The following PCDHA4 variants were observed in gnomAD, a reference collection of about 807,000 sequenced individuals.
The protein encoded by PCDHA4 is protocadherin alpha 4, also known as protocadherin alpha-4.
A neutral mutation model predicts 61.4 loss-of-function variants in PCDHA4; 49 were observed. The observed-to-expected ratio is 0.80, with a 90% CI of 0.63 to 1.01. PCDHA4 has a LOEUF of 1.01. Among genes scored for constraint, PCDHA4 ranks in the 50% least tolerant of loss-of-function variants. The probability of loss-of-function intolerance (pLI) is 0.00; values close to 1 mark genes in which losing one functional copy is unlikely to be tolerated. For missense variants in PCDHA4, 1,254 were observed against 1,235.8 expected (o/e 1.01, Z -0.22); for synonymous variants, 590 against 550.3 (o/e 1.07, Z -1.01).
intron 1 of PCDHA4, chr5:140,858,267 C>G: frequency 6.3e-7 from 1 of 1,597,232 alleles, no homozygotes; most frequent in Non-Finnish European, 8.6e-7. Context: ...CTGGTGTGCT[C>G]TAGCGCGGTG....
chr5:140,913,518 A>G (rs1375122197), intron 1 of PCDHA4, among the ~76,000 whole-genome samples: 2 of 151,902 alleles, frequency 1.3e-5, no homozygotes, highest in Non-Finnish European at 2.9e-5. Context: ...AATTTTATTT[A>G]TCTTTTCAAA....
At position 140,850,378 on chromosome 5, in the gene PCDHA4, C is replaced by T. The variant is rs1365314674; in HGVS notation, c.2385+40806C>T. On this transcript the variant is annotated intron_variant, in intron 1 of 3. Coordinates refer to ENST00000530339, the MANE Select transcript of PCDHA4 (RefSeq NM_018907.4). ...ATCCCGTTCCGCGTGGGGCTGTACA[C>T]GGGCGAGATCAGCACAACGCGTGCC... 6 of 1,597,842 alleles carry T rather than the reference C, an allele frequency of 3.8e-6. 1 individual carries two copies. Among genetic ancestry groups the T allele is most frequent in the Non-Finnish European group, 5.1e-6 (6 of 1,167,692 alleles).
intron 1 of PCDHA4, among the ~76,000 whole-genome samples, chr5:140,926,200 G>A (rs1050721250): frequency 6.6e-6 from 1 of 151,674 alleles, no homozygotes; most frequent in Non-Finnish European, 1.5e-5. Context: ...ACTTCTTTCG[G>A]GGGGCTCCTG....
At chr5:140,885,543 G>A (rs1554182177) in intron 1 of PCDHA4, among the ~76,000 whole-genome samples, 2 of 152,092 alleles carry the variant, frequency 1.3e-5, no homozygotes, top group Non-Finnish European at 2.9e-5. Flanking sequence ...CAAAATATTG[G>A]TGTTATTTCT....
At chr5:141,005,440 A>C (rs1174431656) in intron 3 of PCDHA4, among the ~76,000 whole-genome samples, 3 of 152,112 alleles carry the variant, frequency 2.0e-5, no homozygotes, top group African/African-American at 7.2e-5. Flanking sequence ...TGAGAGGCTC[A>C]CGCCTGTAAT....
At chr5:140,914,481 G>A (rs549926889) in intron 1 of PCDHA4, among the ~76,000 whole-genome samples, 3 of 152,120 alleles carry the variant, frequency 2.0e-5, no homozygotes, top group Non-Finnish European at 4.4e-5. Context: ...TAGGTGAAGT[G>A]TTTCTTGTGG....
intron 1 of PCDHA4, among the ~76,000 whole-genome samples, chr5:140,855,385 G>C (rs2043451354): frequency 6.7e-6 from 1 of 149,884 alleles, no homozygotes; most frequent in Non-Finnish European, 1.5e-5. Context: ...AATCTAAATG[G>C]AGAAATGTCT....
intron 1 of PCDHA4, chr5:140,854,216 A>T (rs1332746944): frequency 4.7e-6 from 3 of 633,232 alleles, no homozygotes; most frequent in Non-Finnish European, 5.9e-6. Flanking sequence ...TCAATATTGG[A>T]CATCTACATT....
chr5:140,992,400 T>C (rs1019164556), intron 3 of PCDHA4, among the ~76,000 whole-genome samples: 1 of 152,124 alleles, frequency 6.6e-6, no homozygotes, highest in Admixed American at 6.5e-5. Context: ...CTTAGAGATA[T>C]TGTTCTGCCC....
At chr5:140,811,519 T>C (rs530756303) in intron 1 of PCDHA4, 1 of 152,310 alleles carries the variant, frequency 6.6e-6, no homozygotes, top group East Asian at 1.9e-4. Flanking sequence ...TTTAGATATA[T>C]ACCCAGTAAT....
At chr5:140,836,507 C>T (rs1412547967) in intron 1 of PCDHA4, 3 of 1,613,748 alleles carry the variant, frequency 1.9e-6, no homozygotes, top group Non-Finnish European at 2.5e-6. Flanking sequence ...GCGCGGTGTC[C>T]AGTCTGTTGG....
chr5:140,807,357 C>T lies in PCDHA4; in HGVS notation c.170C>T (p.Ala57Val), dbSNP rs949440782. The change falls in exon 1 of 4, where the codon GCG becomes GTG. Residue 57 changes from alanine to valine, a missense_variant. Coordinates refer to ENST00000530339, the MANE Select transcript of PCDHA4 (RefSeq NM_018907.4). Reference sequence around the variant, plus strand: ...GCGCAGGACCTGGGACTGGAGCTGGCGGAGCTGGTGCCGCGCCTGTTCCGG... The same window carrying T: ...GCGCAGGACCTGGGACTGGAGCTGGTGGAGCTGGTGCCGCGCCTGTTCCGG... The part of the protein sequence containing the change: ...RIAQDLGLEL[A>V]ELVPRLFRVA... 3 of 1,610,572 alleles carry T rather than the reference C, an allele frequency of 1.9e-6. No homozygotes were observed. The highest frequency in any genetic ancestry group is 2.5e-6 in the Non-Finnish European group (3 of 1,179,250).
chr5:140,969,542 C>A, intron 1 of PCDHA4: 1 of 1,279,482 alleles, frequency 7.8e-7, no homozygotes, highest in Non-Finnish European at 1.1e-6. Context: ...TTTTCAGAGG[C>A]ATGAAGCCTT....
chr5:140,984,304 G>A (rs1587007644), intron 3 of PCDHA4, among the ~76,000 whole-genome samples: 1 of 152,168 alleles, frequency 6.6e-6, no homozygotes, highest in Admixed American at 6.5e-5. Context: ...GATGCTGGTT[G>A]GTGTGTATTC....
chr5:140,976,449 G>T (rs1554237649), intron 1 of PCDHA4, among the ~76,000 whole-genome samples: 1 of 152,136 alleles, frequency 6.6e-6, no homozygotes, highest in Non-Finnish European at 1.5e-5. Flanking sequence ...TACTAGGGAG[G>T]CTGGGGAAGA....
At chr5:140,843,775 A>T (rs2150366589) in intron 1 of PCDHA4, 2 of 1,450,698 alleles carry the variant, frequency 1.4e-6, no homozygotes, top group East Asian at 4.6e-5. Context: ...AGTTACTTTA[A>T]AAGTGTTTCA....
rs1377792748 is a variant in PCDHA4 at position 140,968,353 on chromosome 5, C to T, written c.2386-10596C>T. ...ATGTCTCCATTAACAGTGCCAGTGGCAGCCTTTATGCTGTCAACTCCTTTG... is the reference window on the plus strand; with the variant it reads ...ATGTCTCCATTAACAGTGCCAGTGGTAGCCTTTATGCTGTCAACTCCTTTG... On this transcript the variant is annotated intron_variant, in intron 1 of 3. Coordinates refer to ENST00000530339, the MANE Select transcript of PCDHA4 (RefSeq NM_018907.4). 1.9e-6 allele frequency: 3 copies of T among 1,613,988 alleles called. No individual in the cohort carries two copies. In the African/African-American group the frequency reaches 4.0e-5, roughly 22 times the overall value.
chr5:140,948,902 T>C (rs943078074), intron 1 of PCDHA4, among the ~76,000 whole-genome samples: 1 of 151,528 alleles, frequency 6.6e-6, no homozygotes, highest in Non-Finnish European at 1.5e-5. Flanking sequence ...TTAAGTGGAT[T>C]CTTAGGTAAC....
At chr5:140,857,366 G>A in intron 1 of PCDHA4, 1 of 1,598,350 alleles carries the variant, frequency 6.3e-7, no homozygotes, top group Non-Finnish European at 8.6e-7. Context: ...CACGGCCAGC[G>A]TGTCTGTGGA....
Sources: gnomAD v4.1 joint callset for allele counts (sites outside exome capture counted in the v4.1 genomes callset) on GRCh38, gnomAD v4.1.1 for gene constraint, MANE v1.5 for transcripts, NCBI Gene and HGNC (gene_info 2026-07-23, HGNC 2026-07-21) for gene names.